Variants in PAPPA observed in about 807,000 individuals in gnomAD.
PAPPA encodes pappalysin-1.
PAPPA carries 60 observed loss-of-function variants against 164.0 expected under a neutral mutation model. The observed-to-expected ratio is 0.37, with a 90% CI of 0.30 to 0.45. The LOEUF (loss-of-function observed/expected upper bound fraction) is 0.45. Among genes scored for constraint, PAPPA ranks in the 20% least tolerant of loss-of-function variants. The pLI is 1.00. For synonymous variants in PAPPA, 875 were observed against 814.1 expected, an observed-to-expected ratio of 1.07 and a Z score of -1.27; for missense variants, 1,782 against 2,087.3, an observed-to-expected ratio of 0.85 and a Z score of 2.85.
At chr9:116,165,392 G>T (rs1450044261) in intron 1 of PAPPA, among the ~76,000 whole-genome samples, 1 of 152,114 alleles carries the variant, frequency 6.6e-6, no homozygotes, top group Non-Finnish European at 1.5e-5. Flanking sequence ...CCTCATCTTG[G>T]TTGGTGTCAC....
chr9:116,165,758 C>T (rs1843713356), intron 1 of PAPPA, among the ~76,000 whole-genome samples: 1 of 152,180 alleles, frequency 6.6e-6, no homozygotes, highest in Non-Finnish European at 1.5e-5. Flanking sequence ...TTCCAGTGCA[C>T]CATTTTGCAG....
At chr9:116,254,548 C>G (rs1415783696) in intron 7 of PAPPA, among the ~76,000 whole-genome samples, 1 of 151,980 alleles carries the variant, frequency 6.6e-6, no homozygotes, top group Non-Finnish European at 1.5e-5. Context: ...TTTGGGAGGC[C>G]AGGGTGGGCG....
rs147845147 is a variant in PAPPA at position 116,299,493 on chromosome 9, C to T, written c.2954-3264C>T. 9.2e-5 allele frequency among the ~76,000 whole-genome samples: 14 copies of T among 152,088 alleles called. No homozygotes were observed. The East Asian group carries it at 1.7e-3, about 19-fold the overall frequency. On this transcript the variant is annotated intron_variant, in intron 9 of 21. Transcript: ENST00000328252. ...AATCTAACCCCAATTTCTGTCATTC[C>T]GAGAGGTTTTTTGCTAAGGAAATTA... is the stretch of plus-strand genomic sequence containing the variant.
intron 7 of PAPPA, among the ~76,000 whole-genome samples, chr9:116,254,900 T>C (rs1323520503): frequency 6.6e-6 from 1 of 151,822 alleles, no homozygotes; most frequent in African/African-American, 2.4e-5. Flanking sequence ...AATTCTTTCA[T>C]ATAGCCTTCT....
Position 116,188,203 on chromosome 9 carries a change from G to T in PAPPA, c.1465G>T (p.Asp489Tyr). 1 of 1,609,586 alleles carries T rather than the reference G, an allele frequency of 6.2e-7. No individual in the cohort carries two copies. Among genetic ancestry groups the T allele is most frequent in the Non-Finnish European group, 8.5e-7 (1 of 1,176,362 alleles). ...TGTCACTCAGACTTGCTTTGACCCCGACTCTCCACACAGGTAAGACCTTAC... is the reference window on the plus strand; with the variant it reads ...TGTCACTCAGACTTGCTTTGACCCCTACTCTCCACACAGGTAAGACCTTAC... ...TNVTQTCFDP[D>Y]SPHRAYLDVN... is the part of the protein sequence containing the mutation. The change falls in exon 2 of 22, where the codon GAC becomes TAC. Residue 489 changes from aspartate to tyrosine, a missense_variant. By Grantham distance (160) the Asp-to-Tyr change is radical (BLOSUM62 -3). This residue lies in a region of PAPPA where 1,324 missense variants were observed against 1,656.9 expected (regional missense o/e 0.80). Transcript: ENST00000328252.
Position 116,187,335 on chromosome 9 carries a change from A to C in PAPPA, c.597A>C (p.Leu199=). Residue 199 remains leucine (L), a synonymous_variant, in exon 2 of 22, where the codon CTA becomes CTC. Transcript: ENST00000328252. The surrounding 1 kb of genome is among the most constrained non-coding windows in gnomAD (Gnocchi z 4.2). ...RSYLPGQWVY[L]AATYDGQFMK... The stretch of plus-strand genomic sequence containing the variant: ...ACCTCCCAGGCCAGTGGGTATACCT[A>C]GCTGCCACCTATGATGGGCAGTTCA... 1.2e-6 allele frequency: 2 copies of C among 1,614,072 alleles called. No individual in the cohort carries two copies. The highest frequency in any genetic ancestry group is 1.7e-6 in the Non-Finnish European group (2 of 1,180,022).
chr9:116,288,159 A>G (rs941383988), intron 9 of PAPPA, among the ~76,000 whole-genome samples: 3 of 152,176 alleles, frequency 2.0e-5, no homozygotes, highest in Non-Finnish European at 2.9e-5. Context: ...TCACGAGGTC[A>G]GGAGTTTAAG....
intron 5 of PAPPA, among the ~76,000 whole-genome samples, chr9:116,221,804 AT>A (rs1844449953): frequency 6.6e-6 from 1 of 152,242 alleles, no homozygotes; most frequent in Non-Finnish European, 1.5e-5. Context: ...TCAAAGACAT[AT>A]TAGGCAAAGG....
chr9:116,275,145 T>C (rs1845181703), intron 9 of PAPPA, among the ~76,000 whole-genome samples: 1 of 152,190 alleles, frequency 6.6e-6, no homozygotes, highest in Non-Finnish European at 1.5e-5. Flanking sequence ...TGAACAAATT[T>C]TGCTTGTTTG....
intron 19 of PAPPA, among the ~76,000 whole-genome samples, chr9:116,370,869 C>T (rs867843064): frequency 2.0e-5 from 3 of 152,204 alleles, no homozygotes; most frequent in South Asian, 2.1e-4. Flanking sequence ...TAGTACCTCC[C>T]TTGGTGCCTA....
chr9:116,242,350 T>C (rs1022877106), intron 7 of PAPPA, among the ~76,000 whole-genome samples: 2 of 151,998 alleles, frequency 1.3e-5, no homozygotes, highest in Admixed American at 6.6e-5. Context: ...TCAGCCAAGA[T>C]TGATAAATGA....
chr9:116,201,661 T>C (rs889863747), intron 2 of PAPPA, among the ~76,000 whole-genome samples: 1 of 152,188 alleles, frequency 6.6e-6, no homozygotes, highest in African/African-American at 2.4e-5. Flanking sequence ...TCCTCCTTTC[T>C]TGGTTGAATT....
At chr9:116,337,563 G>A (rs145734194) in intron 13 of PAPPA, among the ~76,000 whole-genome samples, 537 of 152,148 alleles carry the variant, frequency 3.5e-3, no homozygotes, top group Middle Eastern at 0.024. Context: ...TTTACTCTCA[G>A]CTGTTTCCCA....
chr9:116,254,292 A>C (rs1300151591), intron 7 of PAPPA, among the ~76,000 whole-genome samples: 1 of 152,194 alleles, frequency 6.6e-6, no homozygotes, highest in East Asian at 1.9e-4. Flanking sequence ...GTGTAAGCAT[A>C]CCTAAAACAA....
intron 16 of PAPPA, among the ~76,000 whole-genome samples, chr9:116,353,128 G>C (rs1846306025): frequency 6.6e-6 from 1 of 152,136 alleles, no homozygotes; most frequent in African/African-American, 2.4e-5. Flanking sequence ...CTGCCTAATG[G>C]CAATGTGATC....
intron 6 of PAPPA, among the ~76,000 whole-genome samples, chr9:116,233,577 T>A (rs1172356856): frequency 6.6e-6 from 1 of 152,212 alleles, no homozygotes; most frequent in Non-Finnish European, 1.5e-5. Context: ...CTTGCTGTGA[T>A]GCATTATATC....
intron 9 of PAPPA, among the ~76,000 whole-genome samples, chr9:116,296,080 G>A (rs1219358789): frequency 6.6e-6 from 1 of 152,166 alleles, no homozygotes; most frequent in Non-Finnish European, 1.5e-5. Flanking sequence ...ATGAATTACT[G>A]GGTTCTTAGT....
intron 10 of PAPPA, among the ~76,000 whole-genome samples, chr9:116,308,716 C>T (rs902102581): frequency 6.6e-6 from 1 of 152,164 alleles, no homozygotes; most frequent in Non-Finnish European, 1.5e-5. Context: ...AGTGGGCATT[C>T]CCTCTCTCTA....
chr9:116,334,777 G>A, intron 12 of PAPPA, 84 bp from the exon 13 acceptor site: 1 of 950,010 alleles, frequency 1.1e-6, no homozygotes, highest in Non-Finnish European at 1.7e-6. Context: ...GGGTCTGGGG[G>A]CTTCGGGAAG....
Sources: gnomAD v4.1 joint callset for allele counts (sites outside exome capture counted in the v4.1 genomes callset) on GRCh38, gnomAD v4.1.1 for gene constraint, gnomAD v4.1.1 regional missense constraint, Gnocchi (gnomAD v3.1) non-coding constraint, MANE v1.5 for transcripts, NCBI Gene and HGNC (gene_info 2026-07-23, HGNC 2026-07-21) for gene names.